FHIT: variants seen among roughly 807,000 people sequenced by gnomAD.
FHIT encodes bis(5'-adenosyl)-triphosphatase.
Under a neutral mutation model 17.9 loss-of-function variants are expected in FHIT, and 19 were observed. That is an observed-to-expected ratio of 1.06 (90% CI 0.74 to 1.56). FHIT has a LOEUF of 1.56. Among genes scored for constraint, FHIT ranks in the 40% most tolerant of loss-of-function variants. FHIT has a pLI of 0.00. For synonymous variants in FHIT, 81 were observed against 69.7 expected (o/e 1.16, Z -0.81); for missense variants, 248 against 189.2 (o/e 1.31, Z -1.82).
At position 59,961,735 on chromosome 3, in the gene FHIT, G is replaced by A. The variant is rs139619076; in HGVS notation, c.280-39321C>T. 2.3e-3 allele frequency among the ~76,000 whole-genome samples: 356 copies of A among 152,270 alleles called. 1 individual carries two copies. The highest frequency in any genetic ancestry group is 8.1e-3 in the African/African-American group (337 of 41,568). On this transcript the variant is annotated intron_variant, in intron 7 of 9. Transcript: ENST00000492590. ...ACCCTGCTTCCCCTCGCCCCCTGTG[G>A]GCTGCACCCACTGTCTAACCAGTCC...
chr3:60,625,318 C>T (rs2039255554), intron 4 of FHIT, among the ~76,000 whole-genome samples: 1 of 152,148 alleles, frequency 6.6e-6, no homozygotes, highest in East Asian at 1.9e-4. Context: ...GGTGGAATTG[C>T]TGAATCATAT....
chr3:61,053,487 C>T (rs1041664607), intron 2 of FHIT, among the ~76,000 whole-genome samples: 2 of 151,970 alleles, frequency 1.3e-5, no homozygotes. Flanking sequence ...GGAGAAACCC[C>T]ATCTCTACCA....
At chr3:60,211,126 C>G (rs559122364) in intron 5 of FHIT, among the ~76,000 whole-genome samples, 40 of 145,608 alleles carry the variant, frequency 2.7e-4, no homozygotes, top group African/African-American at 9.5e-4. Context: ...AGAAATCATT[C>G]TAGAAAGTGC....
chr3:60,546,475 A>C (rs535512337), intron 4 of FHIT, among the ~76,000 whole-genome samples: 1 of 152,280 alleles, frequency 6.6e-6, no homozygotes, highest in East Asian at 1.9e-4. Flanking sequence ...TTTTATGCTG[A>C]ATTGATATTG....
chr3:61,117,118 T>C (rs1204590714), intron 2 of FHIT, among the ~76,000 whole-genome samples: 1 of 152,190 alleles, frequency 6.6e-6, no homozygotes, highest in Non-Finnish European at 1.5e-5. Context: ...TAATTTTATT[T>C]AGTTAAGGAT....
intron 2 of FHIT, among the ~76,000 whole-genome samples, chr3:61,119,189 A>C (rs2036384375): frequency 6.6e-6 from 1 of 152,112 alleles, no homozygotes; most frequent in South Asian, 2.1e-4. Flanking sequence ...CAGGTCATTC[A>C]TAAGAGCTTA....
chr3:60,403,392 A>G (rs1208391034), intron 5 of FHIT, among the ~76,000 whole-genome samples: 1 of 152,156 alleles, frequency 6.6e-6, no homozygotes, highest in Non-Finnish European at 1.5e-5. Flanking sequence ...ATGGATGTGC[A>G]CATCGCTGCT....
intron 4 of FHIT, among the ~76,000 whole-genome samples, chr3:60,603,773 G>T (rs188184085): frequency 6.6e-6 from 1 of 152,050 alleles, no homozygotes; most frequent in Admixed American, 6.6e-5. Context: ...TGAATGATAC[G>T]TAAGAATGAG....
chr3:60,353,398 T>C lies in FHIT; in HGVS notation c.103+183462A>G, dbSNP rs146325728. On this transcript the variant is annotated intron_variant, in intron 5 of 9. Transcript: ENST00000492590. ...CAAGTGCTCTGCCCAGTAGAGGGTCTACTAAAAAGGCTTAAGAGTGAAAAC... is the reference window on the plus strand; with the variant it reads ...CAAGTGCTCTGCCCAGTAGAGGGTCCACTAAAAAGGCTTAAGAGTGAAAAC... Among the ~76,000 whole-genome samples the C allele has an allele frequency of 7.4e-3, 1,123 of 152,278 alleles. 16 individuals carry two copies. The highest frequency in any genetic ancestry group is 0.048 in the Middle Eastern group (14 of 294).
At chr3:59,780,548 T>C (rs988606476) in intron 8 of FHIT, among the ~76,000 whole-genome samples, 14 of 152,172 alleles carry the variant, frequency 9.2e-5, no homozygotes, top group African/African-American at 2.9e-4. Flanking sequence ...CCCCACCACT[T>C]CCCCAAAATT....
rs557522180 is a variant in FHIT, at chr3:61,202,773, C to T, written c.-212-2108G>A. Among the ~76,000 whole-genome samples the T allele has an allele frequency of 7.2e-5, 11 of 152,220 alleles. No individual in the cohort carries two copies. In the South Asian group the frequency reaches 8.3e-4, roughly 11 times the overall value. Reference sequence around the variant, plus strand: ...CAAAAATGAAAGTAAAGCAACAGTGCGGACACTGTGTCTCACGCCTGTAAT... The same window carrying T: ...CAAAAATGAAAGTAAAGCAACAGTGTGGACACTGTGTCTCACGCCTGTAAT... On this transcript the variant is annotated intron_variant, in intron 1 of 9. Coordinates refer to ENST00000492590, the MANE Select transcript of FHIT (RefSeq NM_002012.4).
rs754685646 is a variant in FHIT at position 60,308,481 on chromosome 3, G to A, written c.103+228379C>T. Among the ~76,000 whole-genome samples, 334 of 101,422 alleles carry A rather than the reference G, an allele frequency of 3.3e-3. 2 individuals carry two copies. Among genetic ancestry groups the A allele is most frequent in the Non-Finnish European group, 5.3e-3 (275 of 51,710 alleles). The allele number at this position is 101,422 out of a possible 152,430, so 66.5% of individuals were successfully genotyped here. A position where few individuals can be genotyped will look rare whatever the true frequency, so the allele number is the denominator to read the frequency against. Reference sequence around the variant, plus strand: ...CTACCAAATTGCACGTATAGGTATAGGTATAGGTGTATGTGTATATATATA... The same window carrying A: ...CTACCAAATTGCACGTATAGGTATAAGTATAGGTGTATGTGTATATATATA... On this transcript the variant is annotated intron_variant, in intron 5 of 9. Coordinates refer to ENST00000492590, the MANE Select transcript of FHIT (RefSeq NM_002012.4).
At chr3:60,955,610 A>ATATATACATATATATATATATATATATG in intron 3 of FHIT, among the ~76,000 whole-genome samples, 1 of 13,118 alleles carries the variant, frequency 7.6e-5, no homozygotes, top group South Asian at 3.5e-3. Flanking sequence ...ATATATATAT[A>ATATATACATATATATATATATATATATG]TATATATATA....
intron 8 of FHIT, among the ~76,000 whole-genome samples, chr3:59,860,142 A>G (rs540112278): frequency 6.6e-6 from 1 of 152,230 alleles, no homozygotes; most frequent in Non-Finnish European, 1.5e-5. Flanking sequence ...AAAAAATACT[A>G]AAAGTGCTGA....
chr3:60,223,883 A>G (rs555487640), intron 5 of FHIT, among the ~76,000 whole-genome samples: 14 of 152,124 alleles, frequency 9.2e-5, no homozygotes, highest in African/African-American at 2.9e-4. Context: ...TCATCTCCTC[A>G]TTCTCAAAGC....
intron 5 of FHIT, among the ~76,000 whole-genome samples, chr3:60,218,081 T>A (rs775004867): frequency 2.0e-5 from 3 of 152,210 alleles, no homozygotes; most frequent in African/African-American, 7.2e-5. Flanking sequence ...AGTATTATTT[T>A]AAAAAAATTT....
rs189615586 is a variant in FHIT at position 61,211,202 on chromosome 3, A to G, written c.-212-10537T>C. Among the ~76,000 whole-genome samples the G allele has an allele frequency of 6.4e-3, 975 of 152,068 alleles. 9 individuals carry two copies. Among genetic ancestry groups the G allele is most frequent in the Admixed American group, 0.019 (291 of 15,294 alleles). ...TGCACAAGCCGAAGCAGGGTGAGGC[A>G]TTGCCTCACTCGGGAAGTGCAAGGG... is the stretch of plus-strand genomic sequence containing the variant. On this transcript the variant is annotated intron_variant, in intron 1 of 9. Transcript: ENST00000492590.
intron 8 of FHIT, among the ~76,000 whole-genome samples, chr3:59,770,764 A>G (rs1472903646): frequency 6.6e-6 from 1 of 152,200 alleles, no homozygotes; most frequent in Non-Finnish European, 1.5e-5. Context: ...AGGCTCAGAA[A>G]AGCTATGTGA....
intron 1 of FHIT, among the ~76,000 whole-genome samples, chr3:61,211,471 C>A (rs931504311): frequency 6.6e-6 from 1 of 152,220 alleles, no homozygotes; most frequent in African/African-American, 2.4e-5. Flanking sequence ...CGCCATTGCC[C>A]AGGCTTGCTT....
Sources: allele counts gnomAD v4.1 joint callset (sites outside exome capture counted in the v4.1 genomes callset), GRCh38; gene constraint gnomAD v4.1.1; transcripts MANE v1.5; gene names NCBI Gene and HGNC (gene_info 2026-07-23, HGNC 2026-07-21).